The following FTCDNL1 variants were observed in gnomAD, a reference collection of about 807,000 sequenced individuals.
FTCDNL1 encodes the protein formiminotransferase N-terminal subdomain-containing protein.
FTCDNL1 carries 11 observed loss-of-function variants against 5.9 expected under a neutral mutation model. The ratio of observed to expected loss-of-function variants is 1.87; its 90% CI spans 1.18 to 3.10. The LOEUF is 3.10. Among genes scored for constraint, FTCDNL1 ranks in the 30% most tolerant of loss-of-function variants. FTCDNL1 has a pLI of 0.00. For missense variants in FTCDNL1, 115 were observed against 65.5 expected, an observed-to-expected ratio of 1.76 and a Z score of -2.61; for synonymous variants, 58 against 24.8, an observed-to-expected ratio of 2.34 and a Z score of -3.99.
downstream of FTCDNL1, among the ~76,000 whole-genome samples, chr2:199,758,231 A>G (rs1698135948): frequency 6.6e-6 from 1 of 152,184 alleles, no homozygotes; most frequent in Admixed American, 6.5e-5. Context: ...TGGAAAAAAA[A>G]AATTTTCAGA....
chr2:199,757,220 A>G (rs957249144), downstream of FTCDNL1, among the ~76,000 whole-genome samples: 1 of 152,186 alleles, frequency 6.6e-6, no homozygotes, highest in African/African-American at 2.4e-5. Flanking sequence ...CCAAGTACAC[A>G]AATATAAGAA....
At chr2:199,760,441 G>C, downstream of FTCDNL1, 1 of 196,876 alleles carries the variant, frequency 5.1e-6, no homozygotes, top group South Asian at 1.0e-4. Flanking sequence ...CTCTCCCTTA[G>C]GCCAGGGCTC....
At chr2:199,721,709 C>A in the FTCDNL1 span, among the ~76,000 whole-genome samples, 1 of 152,170 alleles carries the variant, frequency 6.6e-6, no homozygotes, top group African/African-American at 2.4e-5. Context: ...ACACTGTCTG[C>A]CACAATAGTT....
At chr2:199,712,875 G>A in the FTCDNL1 span, among the ~76,000 whole-genome samples, 3 of 152,142 alleles carry the variant, frequency 2.0e-5, no homozygotes, top group Non-Finnish European at 4.4e-5. Flanking sequence ...TCACCCTACT[G>A]CAGTATGACC....
At chr2:199,804,131 G>A (rs569666278) in intron 3 of FTCDNL1, among the ~76,000 whole-genome samples, 32 of 152,238 alleles carry the variant, frequency 2.1e-4, no homozygotes, top group African/African-American at 7.2e-4. Flanking sequence ...TCCTTTATAC[G>A]TACTAGAAAC....
At chr2:199,839,947 C>G (rs1000045755) in intron 3 of FTCDNL1, among the ~76,000 whole-genome samples, 4 of 152,058 alleles carry the variant, frequency 2.6e-5, no homozygotes, top group African/African-American at 7.2e-5. Context: ...CAAAACGACA[C>G]CATAAACCAA....
At position 199,771,242 on chromosome 2, in the gene FTCDNL1, G is replaced by A. The variant is rs568519441; in HGVS notation, c.212-10407C>T. Among the ~76,000 whole-genome samples the A allele has an allele frequency of 2.5e-3, 374 of 152,268 alleles. 8 individuals are homozygous for A. The South Asian group carries it at 0.04, about 16-fold the overall frequency. On this transcript the variant is annotated intron_variant, in intron 3 of 3. Transcript: ENST00000416668. ...AGACAATAGAGAACATGAAGCCAAC[G>A]GAGTGCTACCTATGGCTCACGACAT... is the stretch of plus-strand genomic sequence containing the variant.
intron 3 of FTCDNL1, among the ~76,000 whole-genome samples, chr2:199,770,597 C>T (rs933063792): frequency 6.6e-6 from 1 of 152,150 alleles, no homozygotes; most frequent in Non-Finnish European, 1.5e-5. Context: ...CCTGAGCCCC[C>T]CAGGGCTGTT....
intron 3 of FTCDNL1, among the ~76,000 whole-genome samples, chr2:199,843,133 G>A (rs2106634106): frequency 6.6e-6 from 1 of 152,226 alleles, no homozygotes. Context: ...GTTCAAGAAT[G>A]CAGCTGAGCT....
At chr2:199,833,952 G>C (rs1292802391) in intron 3 of FTCDNL1, among the ~76,000 whole-genome samples, 2 of 152,118 alleles carry the variant, frequency 1.3e-5, no homozygotes, top group Non-Finnish European at 2.9e-5. Context: ...CTTCCACATG[G>C]AGAGAGCTCT....
At chr2:199,674,418 C>T in the FTCDNL1 span, among the ~76,000 whole-genome samples, 1 of 152,130 alleles carries the variant, frequency 6.6e-6, no homozygotes, top group Non-Finnish European at 1.5e-5. Flanking sequence ...CTTCACATAG[C>T]AGTTTCTGTT....
the FTCDNL1 span, among the ~76,000 whole-genome samples, chr2:199,712,810 CTG>C: frequency 6.6e-6 from 1 of 152,190 alleles, no homozygotes; most frequent in Admixed American, 6.5e-5. Context: ...CTCCATGTCT[CTG>C]TGTCTTCACA....
At chr2:199,778,431 T>C (rs754475251) in intron 3 of FTCDNL1, among the ~76,000 whole-genome samples, 4 of 152,300 alleles carry the variant, frequency 2.6e-5, no homozygotes, top group African/African-American at 9.6e-5. Flanking sequence ...AGAGAACACA[T>C]TCCTTAAGGT....
chr2:199,724,176 G>T, the FTCDNL1 span, among the ~76,000 whole-genome samples: 2 of 152,148 alleles, frequency 1.3e-5, no homozygotes, highest in Non-Finnish European at 2.9e-5. Context: ...TTGCACAGAG[G>T]TGTTTATAGT....
At chr2:199,702,978 A>G in the FTCDNL1 span, among the ~76,000 whole-genome samples, 3 of 152,122 alleles carry the variant, frequency 2.0e-5, no homozygotes, top group African/African-American at 7.2e-5. Context: ...AAGCCAGATT[A>G]TGTAAGGCCC....
the FTCDNL1 span, among the ~76,000 whole-genome samples, chr2:199,667,499 A>AC: frequency 4.2e-5 from 6 of 144,270 alleles, no homozygotes; most frequent in East Asian, 2.1e-4. Flanking sequence ...AAACAAACAA[A>AC]AAACAACAAT....
At chr2:199,786,186 T>C (rs971982257) in intron 3 of FTCDNL1, among the ~76,000 whole-genome samples, 2 of 151,998 alleles carry the variant, frequency 1.3e-5, no homozygotes, top group African/African-American at 4.8e-5. Context: ...CAACTTTGTG[T>C]TCACCCTGAT....
chr2:199,842,880 A>G (rs1161781269), intron 3 of FTCDNL1, among the ~76,000 whole-genome samples: 1 of 151,730 alleles, frequency 6.6e-6, no homozygotes, highest in African/African-American at 2.4e-5. Flanking sequence ...TTCTAAGAAC[A>G]GCGGGATCCT....
At chr2:199,838,176 A>G (rs2106625365) in intron 3 of FTCDNL1, among the ~76,000 whole-genome samples, 1 of 152,376 alleles carries the variant, frequency 6.6e-6, no homozygotes, top group African/African-American at 2.4e-5. Flanking sequence ...CAGGGTCCAC[A>G]GTATCCTGCA....
Sources: gnomAD v4.1 joint callset for allele counts (sites outside exome capture counted in the v4.1 genomes callset) on GRCh38, gnomAD v4.1.1 for gene constraint, MANE v1.5 for transcripts, NCBI Gene and HGNC (gene_info 2026-07-23, HGNC 2026-07-21) for gene names.